The following CACNG3 variants were observed in gnomAD, a reference collection of about 807,000 sequenced individuals.
CACNG3 encodes the protein voltage-dependent calcium channel gamma-3 subunit.
CACNG3 carries 3 observed loss-of-function variants against 28.5 expected under a neutral mutation model. The observed-to-expected ratio is 0.11, with a 90% CI of 0.05 to 0.27. The LOEUF (loss-of-function observed/expected upper bound fraction) is 0.27, where lower values mean the gene tolerates loss of function less well. Among genes scored for constraint, CACNG3 ranks in the 10% least tolerant of loss-of-function variants. The pLI, the probability that CACNG3 is intolerant of heterozygous loss-of-function variation, is 1.00. For missense variants in CACNG3, 236 were observed against 414.4 expected (o/e 0.57, Z 3.74); for synonymous variants, 174 against 162.2 (o/e 1.07, Z -0.55).
At chr16:24,327,907 A>G (rs1199870769) in intron 1 of CACNG3, among the ~76,000 whole-genome samples, 1 of 152,140 alleles carries the variant, frequency 6.6e-6, no homozygotes, top group Non-Finnish European at 1.5e-5. Flanking sequence ...ATGCCACTGC[A>G]CTCCTGAGTG....
At chr16:24,308,388 A>C (rs1338445900) in intron 1 of CACNG3, among the ~76,000 whole-genome samples, 1 of 151,868 alleles carries the variant, frequency 6.6e-6, no homozygotes, top group Admixed American at 6.6e-5. Context: ...TGTGGAGGGC[A>C]CTCCCATTTC....
rs1364264271 is a variant in CACNG3, at chr16:24,328,744, T to G, written c.212-17990T>G. 3.3e-5 allele frequency among the ~76,000 whole-genome samples: 5 copies of G among 152,250 alleles called. No individual in the cohort carries two copies. The East Asian group carries it at 9.7e-4, about 29-fold the overall frequency. The stretch of plus-strand genomic sequence containing the variant: ...TGGTCCAGGCAGAAAGAGCATCAGC[T>G]GCAAAGGCCTGGCAGCCATAAGACA... On this transcript the variant is annotated intron_variant, in intron 1 of 3. Coordinates refer to ENST00000005284, the MANE Select transcript of CACNG3 (RefSeq NM_006539.4).
intron 1 of CACNG3, among the ~76,000 whole-genome samples, chr16:24,310,783 C>T (rs532632799): frequency 4.1e-4 from 63 of 152,114 alleles, no homozygotes; most frequent in Non-Finnish European, 8.2e-4. Context: ...GGATTTGAAC[C>T]TGGATAGTCT....
chr16:24,275,988 C>A (rs1285978087), intron 1 of CACNG3, among the ~76,000 whole-genome samples: 1 of 152,196 alleles, frequency 6.6e-6, no homozygotes, highest in Non-Finnish European at 1.5e-5. Flanking sequence ...AAGGAACTAC[C>A]ACTTGTCGAG....
intron 1 of CACNG3, among the ~76,000 whole-genome samples, chr16:24,322,808 AT>A (rs1899482987): frequency 1.3e-5 from 2 of 152,126 alleles, no homozygotes; most frequent in African/African-American, 2.4e-5. Flanking sequence ...ATATCTACCT[AT>A]TTTGCTATCA....
chr16:24,270,514 G>A (rs968567480), intron 1 of CACNG3, among the ~76,000 whole-genome samples: 3 of 152,204 alleles, frequency 2.0e-5, no homozygotes, highest in East Asian at 1.9e-4. Flanking sequence ...GGTCTGCTGC[G>A]CAGCATAATA....
chr16:24,275,058 T>G (rs1358269103), intron 1 of CACNG3, among the ~76,000 whole-genome samples: 1 of 152,068 alleles, frequency 6.6e-6, no homozygotes. Flanking sequence ...TGAAACTATT[T>G]CAGAATAATA....
At position 24,312,955 on chromosome 16, in the gene CACNG3, G is replaced by GAAAGAAAGAAAGAAAGAAAGAAAGAGAA. The variant is rs376780380; in HGVS notation, c.212-33778_212-33777insAAGAAAGAAAGAAAGAAAGAAAGAGAAA. Among the ~76,000 whole-genome samples the GAAAGAAAGAAAGAAAGAAAGAAAGAGAA allele has an allele frequency of 1.9e-3, 210 of 110,862 alleles. 1 individual carries two copies. The highest frequency in any genetic ancestry group is 2.6e-3 in the Non-Finnish European group (143 of 55,892). 72.7% of individuals were successfully genotyped at this position (110,862 alleles called of 152,430 possible). Reference sequence around the variant, plus strand: ...AGAAAGAAAGAAAGAAAGAAAGAAAGAGAAAGAAAGAAAAGAAAGAAAGAA... The same window carrying GAAAGAAAGAAAGAAAGAAAGAAAGAGAA: ...AGAAAGAAAGAAAGAAAGAAAGAAAGAAAGAAAGAAAGAAAGAAAGAAAGAGAAAGAAAGAAAGAAAAGAAAGAAAGAA... On this transcript the variant is annotated intron_variant, in intron 1 of 3. Coordinates refer to ENST00000005284, the MANE Select transcript of CACNG3 (RefSeq NM_006539.4).
chr16:24,355,313 C>T (rs1301829182), intron 3 of CACNG3, among the ~76,000 whole-genome samples: 3 of 152,124 alleles, frequency 2.0e-5, no homozygotes, highest in Non-Finnish European at 4.4e-5. Flanking sequence ...ATATGTGGTA[C>T]GTGTGAACTG....
intron 1 of CACNG3, among the ~76,000 whole-genome samples, chr16:24,311,508 CA>C (rs11308886): frequency 0.44 from 61,755 of 141,214 alleles, 16,665 homozygotes; most frequent in African/African-American, 0.79. Flanking sequence ...GACTACATTT[CA>C]AAAAAAAAAA....
intron 1 of CACNG3, among the ~76,000 whole-genome samples, chr16:24,268,780 T>C (rs925461652): frequency 2.6e-5 from 4 of 152,168 alleles, no homozygotes; most frequent in African/African-American, 9.7e-5. Context: ...TGTTCGCCAA[T>C]GGGGGGATGG....
At chr16:24,293,474 A>T (rs779800622) in intron 1 of CACNG3, among the ~76,000 whole-genome samples, 2 of 152,140 alleles carry the variant, frequency 1.3e-5, no homozygotes, top group Non-Finnish European at 2.9e-5. Flanking sequence ...ATCTTTGAAG[A>T]AGCTACTTTG....
intron 1 of CACNG3, among the ~76,000 whole-genome samples, chr16:24,326,900 C>T (rs1309487852): frequency 1.3e-5 from 2 of 152,036 alleles, no homozygotes; most frequent in Non-Finnish European, 2.9e-5. Context: ...GCCATGATCT[C>T]GCTCCCCTGC....
chr16:24,337,194 A>G (rs1596647914), intron 1 of CACNG3, among the ~76,000 whole-genome samples: 1 of 152,198 alleles, frequency 6.6e-6, no homozygotes, highest in Non-Finnish European at 1.5e-5. Context: ...GTAGTAACTT[A>G]GTGGCTGGCC....
chr16:24,320,851 TCCCGATTAGCTGG>T (rs1471677461), intron 1 of CACNG3, among the ~76,000 whole-genome samples: 1 of 152,106 alleles, frequency 6.6e-6, no homozygotes, highest in Non-Finnish European at 1.5e-5. Flanking sequence ...TGCCTCAGCC[TCCCGATTAGCTGG>T]GACCACAGGC....
chr16:24,353,524 T>C (rs1893415406), intron 2 of CACNG3, among the ~76,000 whole-genome samples: 1 of 152,006 alleles, frequency 6.6e-6, no homozygotes, highest in Non-Finnish European at 1.5e-5. Flanking sequence ...CCTTCCATGA[T>C]CCAGAAAATA....
At position 24,275,197 on chromosome 16, in the gene CACNG3, A is replaced by G. The variant is rs529506772; in HGVS notation, c.211+18232A>G. On this transcript the variant is annotated intron_variant, in intron 1 of 3. Coordinates refer to ENST00000005284, the MANE Select transcript of CACNG3 (RefSeq NM_006539.4). ...CAATACAGCAAGACTCCATCTCCAA[A>G]AAAAAAAAGATATGATTTGCTTTTT... Among the ~76,000 whole-genome samples, 85 of 151,804 alleles carry G rather than the reference A, an allele frequency of 5.6e-4. 1 individual carries two copies. The East Asian group carries it at 0.016, about 28-fold the overall frequency.
chr16:24,277,685 C>A (rs751814177), intron 1 of CACNG3, among the ~76,000 whole-genome samples: 11 of 150,348 alleles, frequency 7.3e-5, no homozygotes, highest in Admixed American at 5.4e-4. Flanking sequence ...GAGGCTGAGG[C>A]AGGAGAATCG....
At chr16:24,311,199 A>G (rs1364095606) in intron 1 of CACNG3, among the ~76,000 whole-genome samples, 1 of 152,160 alleles carries the variant, frequency 6.6e-6, no homozygotes, top group Non-Finnish European at 1.5e-5. Flanking sequence ...GGTTATTATG[A>G]GTTAGTGTGT....
Sources: gnomAD v4.1 joint callset for allele counts (sites outside exome capture counted in the v4.1 genomes callset) on GRCh38, gnomAD v4.1.1 for gene constraint, MANE v1.5 for transcripts, NCBI Gene and HGNC (gene_info 2026-07-23, HGNC 2026-07-21) for gene names.